SLIT1: variants seen among roughly 807,000 people sequenced by gnomAD.
SLIT1 encodes slit homolog 1 protein.
SLIT1 carries 66 observed loss-of-function variants against 186.1 expected under a neutral mutation model. The ratio of observed to expected loss-of-function variants is 0.35; its 90% CI spans 0.29 to 0.44. The LOEUF is 0.44. Ranked by LOEUF, SLIT1 falls within the 20% of genes least tolerant of loss-of-function variation. SLIT1 has a pLI of 1.00. For synonymous variants in SLIT1, 761 were observed against 833.8 expected, an observed-to-expected ratio of 0.91 and a Z score of 1.50; for missense variants, 1,638 against 2,037.4, an observed-to-expected ratio of 0.80 and a Z score of 3.77.
intron 32 of SLIT1, among the ~76,000 whole-genome samples, chr10:97,005,373 G>A (rs994877077): frequency 3.9e-5 from 6 of 152,192 alleles, no homozygotes; most frequent in African/African-American, 1.4e-4. Flanking sequence ...GATGCTGTAG[G>A]AGCCATGATC....
At chr10:97,073,221 C>A (rs1005166905) in intron 4 of SLIT1, among the ~76,000 whole-genome samples, 2 of 152,142 alleles carry the variant, frequency 1.3e-5, no homozygotes, top group African/African-American at 4.8e-5. Flanking sequence ...TGTGTGGAAA[C>A]CCCCCAAAAG....
chr10:97,064,313 C>A (rs1303040135), intron 6 of SLIT1, 74 bp from the exon 7 acceptor site: 5 of 1,239,300 alleles, frequency 4.0e-6, no homozygotes, highest in Non-Finnish European at 2.4e-6. Flanking sequence ...GCCCTGCTAA[C>A]GAACAGGGAG....
intron 32 of SLIT1, among the ~76,000 whole-genome samples, chr10:97,005,740 T>C (rs962392197): frequency 6.6e-6 from 1 of 152,116 alleles, no homozygotes; most frequent in Non-Finnish European, 1.5e-5. Context: ...GTGGATAGGA[T>C]GTTGGAGAGG....
Position 97,006,334 on chromosome 10 carries a change from A to AT in SLIT1, c.3579+148dup. On this transcript the variant is annotated intron_variant, in intron 32 of 36. Transcript: ENST00000266058. This position sits in a 1 kb window ranked among gnomAD's most constrained non-coding sequence, Gnocchi z 4.0. ...TGTGCTTAAACTAGTTCAAGCTGAG[A>AT]TTTTGATACCCATATGCAAAACGTT... The AT allele has an allele frequency of 1.6e-6, 1 of 620,886 alleles. No homozygotes were observed. The highest frequency in any genetic ancestry group is 2.9e-6 in the Non-Finnish European group (1 of 346,638). 38.5% of individuals were successfully genotyped at this position (620,886 alleles called of 1,614,324 possible). A position where few individuals can be genotyped will look rare whatever the true frequency, so the allele number is the denominator to read the frequency against.
chr10:97,018,926 C>G, intron 27 of SLIT1, 57 bp downstream of exon 27: 1 of 1,066,096 alleles, frequency 9.4e-7, no homozygotes, highest in Non-Finnish European at 1.4e-6. Context: ...GCCCTGGGGA[C>G]AGCCCTGCAG....
At chr10:97,067,613 AGCCCTGGG>A (rs1298753963) in intron 4 of SLIT1, among the ~76,000 whole-genome samples, 1 of 152,182 alleles carries the variant, frequency 6.6e-6, no homozygotes, top group African/African-American at 2.4e-5. Context: ...CTTGTGCGGC[AGCCCTGGG>A]GGTAGGAACT....
rs1266609871 is a variant in SLIT1, at chr10:97,139,343, C to T, written c.413+18475G>A. On this transcript the variant is annotated intron_variant, in intron 4 of 36. Transcript: ENST00000266058. Reference sequence around the variant, plus strand: ...AGTAGCCTTGGAGGAGAAAGAGGCTCTCAGTGTGCTCCCCTCAAACGGAGC... The same window carrying T: ...AGTAGCCTTGGAGGAGAAAGAGGCTTTCAGTGTGCTCCCCTCAAACGGAGC... 2.0e-5 allele frequency among the ~76,000 whole-genome samples: 3 copies of T among 152,226 alleles called. No homozygotes were observed. In the East Asian group the frequency reaches 5.8e-4, roughly 29 times the overall value.
At position 97,134,033 on chromosome 10, in the gene SLIT1, G is replaced by A. The variant is rs1389550051; in HGVS notation, c.413+23785C>T. ...CTAAAGGTGCTGTGTGTTTCCTAGGGCGCTATCAGGCCTGAGGGCTGGTGA... is the reference window on the plus strand; with the variant it reads ...CTAAAGGTGCTGTGTGTTTCCTAGGACGCTATCAGGCCTGAGGGCTGGTGA... On this transcript the variant is annotated intron_variant, in intron 4 of 36. Transcript: ENST00000266058. 2.0e-5 allele frequency among the ~76,000 whole-genome samples: 3 copies of A among 152,156 alleles called. No homozygotes were observed. In the East Asian group the frequency reaches 5.8e-4, roughly 29 times the overall value.
In SLIT1 at chr10:97,021,391, A is replaced by G; in HGVS notation, c.2605T>C (p.Tyr869His). The change falls in exon 26 of 37, where the codon TAC becomes CAC. Residue 869 changes from tyrosine to histidine, a missense_variant. By Grantham distance (83) the Tyr-to-His change is moderately conservative. Around this residue, in one of 3 missense-constraint regions of SLIT1, gnomAD observed 1,245 missense variants for 1,535.3 expected, o/e 0.81. Transcript: ENST00000266058. This position sits in a 1 kb window ranked among gnomAD's most constrained non-coding sequence, Gnocchi z 4.5. The part of the protein sequence containing the change: ...SHLAIGANPL[Y>H]CDCHLRWLSS... ...AGCCAGCGGAGGTGGCAGTCACAGTATAGGGGGTTGGCACCAATGGCCCTG... is the reference window on the plus strand; with the variant it reads ...AGCCAGCGGAGGTGGCAGTCACAGTGTAGGGGGTTGGCACCAATGGCCCTG... 1 of 1,614,056 alleles carries G rather than the reference A, an allele frequency of 6.2e-7. No homozygotes were observed. Among genetic ancestry groups the G allele is most frequent in the Non-Finnish European group, 8.5e-7 (1 of 1,179,962 alleles).
At chr10:97,165,155 C>T (rs760209973) in intron 1 of SLIT1, among the ~76,000 whole-genome samples, 3 of 152,184 alleles carry the variant, frequency 2.0e-5, no homozygotes, top group Non-Finnish European at 4.4e-5. Context: ...CCCACTGATG[C>T]AACTCAGTCA....
At chr10:97,097,707 C>T (rs764700417) in intron 4 of SLIT1, among the ~76,000 whole-genome samples, 1 of 152,192 alleles carries the variant, frequency 6.6e-6, no homozygotes, top group African/African-American at 2.4e-5. Context: ...TCTGATCATT[C>T]GTTCAGTTTG....
chr10:97,141,676 C>CTATT (rs1849760565), intron 4 of SLIT1, among the ~76,000 whole-genome samples: 1 of 140,240 alleles, frequency 7.1e-6, no homozygotes, highest in Non-Finnish European at 1.5e-5. Context: ...TGCATTGTAT[C>CTATT]GTATTGTATC....
chr10:97,137,370 A>G (rs1022116782), intron 4 of SLIT1, among the ~76,000 whole-genome samples: 2 of 152,208 alleles, frequency 1.3e-5, no homozygotes, highest in African/African-American at 4.8e-5. Context: ...ATCTACAAAT[A>G]ATCAGAAAAC....
At chr10:97,052,090 G>GT (rs773462819) in intron 13 of SLIT1, among the ~76,000 whole-genome samples, 1,945 of 118,188 alleles carry the variant, frequency 0.016, 44 homozygotes, top group African/African-American at 0.057. Context: ...GTATGATTCG[G>GT]TTTTTTTTTG....
intron 4 of SLIT1, among the ~76,000 whole-genome samples, chr10:97,142,579 G>C (rs1849777500): frequency 6.6e-6 from 1 of 152,164 alleles, no homozygotes; most frequent in South Asian, 2.1e-4. Flanking sequence ...TCTTGGATAT[G>C]ACACCGAAAG....
In SLIT1 at chr10:97,037,877, A is replaced by G. The variant is rs1367887816; in HGVS notation, c.2298-111T>C. 3.9e-6 allele frequency: 3 copies of G among 760,250 alleles called. No homozygotes were observed. In the Admixed American group the frequency reaches 7.1e-5, roughly 18 times the overall value. 47.1% of individuals were successfully genotyped at this position (760,250 alleles called of 1,614,324 possible). A position where few individuals can be genotyped will look rare whatever the true frequency, so the allele number is the denominator to read the frequency against. On this transcript the variant is annotated intron_variant, in intron 21 of 36. Transcript: ENST00000266058. Reference sequence around the variant, plus strand: ...ACTTCGCTCTCATTTCCTCTCCTCCACATAGGCCACACGATGGGCCCAGAA... The same window carrying G: ...ACTTCGCTCTCATTTCCTCTCCTCCGCATAGGCCACACGATGGGCCCAGAA...
In SLIT1 at chr10:97,046,756, G is replaced by T. The variant is rs780945130; in HGVS notation, c.1751C>A (p.Ala584Asp). The T allele has an allele frequency of 2.5e-6, 4 of 1,612,436 alleles. No homozygotes were observed. Among genetic ancestry groups the T allele is most frequent in the Non-Finnish European group, 2.5e-6 (3 of 1,180,014 alleles). Residue 584 changes from alanine (A) to aspartate (D), a missense_variant, in exon 18 of 37, where the codon GCC becomes GAC. This residue lies in a region of SLIT1 where 1,245 missense variants were observed against 1,535.3 expected (regional missense o/e 0.81). Transcript: ENST00000266058. Reference protein sequence around the residue: ...NNKVSEIEDGAFEGAASVSEL... With the variant: ...NNKVSEIEDGDFEGAASVSEL... ...GCTCACAGAGGCTGCGCCCTCGAAG[G>T]CCCCATCTTCAATTTCTGACACCTT...
At chr10:97,048,866 G>T (rs1848760840) in intron 14 of SLIT1, 89 bp downstream of exon 14, 1 of 1,381,234 alleles carries the variant, frequency 7.2e-7, no homozygotes, top group East Asian at 2.3e-5. Flanking sequence ...TGGGCAGGTG[G>T]GCAGGTATGC....
At chr10:97,117,534 A>T (rs926052631) in intron 4 of SLIT1, among the ~76,000 whole-genome samples, 4 of 152,228 alleles carry the variant, frequency 2.6e-5, no homozygotes, top group Admixed American at 6.5e-5. Context: ...GTGGATTTCC[A>T]GGAACAACCC....
Sources: allele counts gnomAD v4.1 joint callset (sites outside exome capture counted in the v4.1 genomes callset), GRCh38; gene constraint gnomAD v4.1.1; regional missense constraint gnomAD v4.1.1; non-coding constraint Gnocchi (gnomAD v3.1); transcripts MANE v1.5; gene names NCBI Gene and HGNC (gene_info 2026-07-23, HGNC 2026-07-21).